MEIG1: variants seen among roughly 807,000 people sequenced by gnomAD.
MEIG1 encodes meiosis/spermiogenesis associated 1.
MEIG1 carries 12 observed loss-of-function variants against 11.3 expected under a neutral mutation model. That is an observed-to-expected ratio of 1.07 (90% CI 0.68 to 1.73). The LOEUF (loss-of-function observed/expected upper bound fraction) is 1.73, where lower values mean the gene tolerates loss of function less well. MEIG1 is among the 40% of genes most tolerant of loss of function. The probability of loss-of-function intolerance (pLI) is 0.00; values close to 1 mark genes in which losing one functional copy is unlikely to be tolerated. For synonymous variants in MEIG1, 41 were observed against 33.2 expected, an observed-to-expected ratio of 1.24 and a Z score of -0.81; for missense variants, 119 against 104.9, an observed-to-expected ratio of 1.13 and a Z score of -0.59.
downstream of MEIG1, among the ~76,000 whole-genome samples, chr10:14,977,746 A>G (rs11499268): frequency 0.027 from 4,168 of 152,028 alleles, 130 homozygotes; most frequent in African/African-American, 0.088. Context: ...ACACCCTGTG[A>G]TATTTTTCAT....
At chr10:14,954,476 C>T, upstream of MEIG1, 1 of 272,882 alleles carries the variant, frequency 3.7e-6, no homozygotes, top group Non-Finnish European at 7.4e-6. Flanking sequence ...AGCTCAGTTC[C>T]CCGCCCTCTC....
At chr10:14,986,424 T>A (rs1325890502) in intron 1 of MEIG1, among the ~76,000 whole-genome samples, 1 of 152,180 alleles carries the variant, frequency 6.6e-6, no homozygotes, top group Non-Finnish European at 1.5e-5. Flanking sequence ...TACCAAACCA[T>A]CTGGAATTGT....
At chr10:14,967,720 A>T (rs4748115) in intron 2 of MEIG1, among the ~76,000 whole-genome samples, 97,457 of 151,958 alleles carry the variant, frequency 0.64, 31,567 homozygotes, top group Admixed American at 0.68. Flanking sequence ...TGACTCCCCA[A>T]AACAACTACT....
At position 14,966,599 on chromosome 10, in the gene MEIG1, T is replaced by C. The variant is rs760061977; in HGVS notation, c.131T>C (p.Val44Ala). Residue 44 changes from valine to alanine, a missense_variant, in exon 2 of 3, where the codon GTT becomes GCT. Physicochemically the swap from Val to Ala is moderately conservative, Grantham distance 64. Transcript: ENST00000407572. The stretch of plus-strand genomic sequence containing the variant: ...ACCGAATATAGACAAGTGAAACAAG[T>C]TTCTATGGTAAGATTTCTGTCTCTA... ...DETEYRQVKQ[V>A]SMVDRWPETG... The C allele has an allele frequency of 1.1e-5, 17 of 1,608,176 alleles. No individual in the cohort carries two copies. Among genetic ancestry groups the C allele is most frequent in the African/African-American group, 2.7e-5 (2 of 74,540 alleles).
At chr10:14,987,316 A>C (rs11259420) in intron 2 of MEIG1, 227,494 of 804,086 alleles carry the variant, frequency 0.28, 33,816 homozygotes, top group South Asian at 0.35. Context: ...GGTTCCTCAG[A>C]ACCATGACCA....
chr10:14,983,668 C>A (rs1229294751), intron 1 of MEIG1, among the ~76,000 whole-genome samples: 4 of 151,770 alleles, frequency 2.6e-5, no homozygotes, highest in Admixed American at 6.6e-5. Flanking sequence ...GAAGATGATA[C>A]CACGCCCCCA....
Position 14,972,533 on chromosome 10 carries a change from A to G in MEIG1, c.159A>G (p.Thr53=), listed in dbSNP as rs756209192. ...TGCAGGTAGATCGTTGGCCGGAGAC[A>G]GGATATGTGAAGAAACTTCAGAGAA... is the stretch of plus-strand genomic sequence containing the variant. ...QVSMVDRWPE[T]GYVKKLQRRD... is the part of the protein sequence containing the mutation. The change falls in exon 3 of 3, where the codon ACA becomes ACG. Residue 53 remains threonine (T), a synonymous_variant. Coordinates refer to ENST00000407572, the MANE Select transcript of MEIG1 (RefSeq NM_001080836.3). The G allele has an allele frequency of 1.2e-6, 2 of 1,614,098 alleles. No individual in the cohort carries two copies. Among genetic ancestry groups the G allele is most frequent in the Middle Eastern group, 1.6e-4 (1 of 6,062 alleles).
chr10:14,974,567 G>A (rs1484374831), downstream of MEIG1, among the ~76,000 whole-genome samples: 2 of 152,008 alleles, frequency 1.3e-5, no homozygotes, highest in African/African-American at 4.8e-5. Flanking sequence ...TGTCGAGGGA[G>A]GGGTGGAATG....
At chr10:14,958,188 G>A (rs965065208), upstream of MEIG1, among the ~76,000 whole-genome samples, 1 of 152,184 alleles carries the variant, frequency 6.6e-6, no homozygotes, top group Admixed American at 6.6e-5. Context: ...GCAGGGAGGT[G>A]TTTGGGGAGG....
At chr10:14,984,334 T>C (rs1297991619) in intron 1 of MEIG1, among the ~76,000 whole-genome samples, 2 of 152,058 alleles carry the variant, frequency 1.3e-5, no homozygotes, top group Admixed American at 1.3e-4. Flanking sequence ...TGGGACATTA[T>C]TTTCCATTTT....
chr10:14,976,720 T>C (rs556074888), downstream of MEIG1, among the ~76,000 whole-genome samples: 13 of 152,206 alleles, frequency 8.5e-5, no homozygotes, highest in Admixed American at 7.8e-4. Flanking sequence ...CACACAGTGA[T>C]GTTCCATGTA....
chr10:14,980,708 C>G (rs2131282304), intron 1 of MEIG1, among the ~76,000 whole-genome samples: 1 of 152,222 alleles, frequency 6.6e-6, no homozygotes, highest in Non-Finnish European at 1.5e-5. Flanking sequence ...GGTCTCGAGC[C>G]AACGCCTCAC....
intron 2 of MEIG1, among the ~76,000 whole-genome samples, chr10:14,971,089 A>C (rs1843143125): frequency 1.3e-5 from 2 of 152,106 alleles, no homozygotes; most frequent in African/African-American, 4.8e-5. Context: ...GTATACAAGA[A>C]GGAATGGTAG....
At chr10:14,966,354 A>G in intron 1 of MEIG1, 86 bp from the exon 2 acceptor site, 2 of 916,028 alleles carry the variant, frequency 2.2e-6, no homozygotes, top group Non-Finnish European at 3.1e-6. Flanking sequence ...GAGCCACCGC[A>G]CCCGGCCAGT....
intron 1 of MEIG1, among the ~76,000 whole-genome samples, chr10:14,964,106 A>C (rs985486856): frequency 3.3e-5 from 5 of 152,008 alleles, no homozygotes; most frequent in Admixed American, 2.6e-4. Flanking sequence ...CAAAAAAAAA[A>C]AAAAAAAAAG....
At chr10:14,967,531 G>A (rs1235150668) in intron 2 of MEIG1, among the ~76,000 whole-genome samples, 1 of 146,306 alleles carries the variant, frequency 6.8e-6, no homozygotes, top group East Asian at 2.0e-4. Flanking sequence ...TTGAGACAGA[G>A]TCTCACTCTG....
At chr10:14,960,922 G>C (rs1033998363) in intron 1 of MEIG1, among the ~76,000 whole-genome samples, 1 of 152,056 alleles carries the variant, frequency 6.6e-6, no homozygotes, top group African/African-American at 2.4e-5. Flanking sequence ...CCAGCTACTC[G>C]GGAGGCTGAG....
chr10:14,962,496 A>G (rs890299808), intron 1 of MEIG1, among the ~76,000 whole-genome samples: 1 of 152,218 alleles, frequency 6.6e-6, no homozygotes, highest in Non-Finnish European at 1.5e-5. Context: ...AGTCCAATTG[A>G]ATACAGCATA....
At chr10:14,959,381 T>G (rs1842984222), upstream of MEIG1, 1 of 152,298 alleles carries the variant, frequency 6.6e-6, no homozygotes, top group South Asian at 2.1e-4. Context: ...TGCAGCTTCA[T>G]CGCGTTACTA....
Sources: gnomAD v4.1 joint callset for allele counts (sites outside exome capture counted in the v4.1 genomes callset) on GRCh38, gnomAD v4.1.1 for gene constraint, MANE v1.5 for transcripts, NCBI Gene and HGNC (gene_info 2026-07-23, HGNC 2026-07-21) for gene names.